The following ADAM32 variants were observed in gnomAD, a reference collection of about 807,000 sequenced individuals.
ADAM32 encodes the protein disintegrin and metalloproteinase domain-containing protein 32.
A neutral mutation model predicts 114.9 loss-of-function variants in ADAM32; 89 were observed. That is an observed-to-expected ratio of 0.77 (90% CI 0.65 to 0.92). ADAM32 has a LOEUF of 0.92. Among genes scored for constraint, ADAM32 ranks in the 40% least tolerant of loss-of-function variants. ADAM32 has a pLI of 0.00. For synonymous variants in ADAM32, 285 were observed against 307.5 expected, an observed-to-expected ratio of 0.93 and a Z score of 0.77; for missense variants, 870 against 932.8, an observed-to-expected ratio of 0.93 and a Z score of 0.88.
chr8:39,203,943 A>G lies in ADAM32; in HGVS notation c.1053-7201A>G, dbSNP rs545733247. 3.0e-3 allele frequency among the ~76,000 whole-genome samples: 464 copies of G among 152,244 alleles called. 3 individuals carry two copies. Among genetic ancestry groups the G allele is most frequent in the Non-Finnish European group, 3.7e-3 (255 of 68,022 alleles). On this transcript the variant is annotated intron_variant, in intron 11 of 24. Coordinates refer to ENST00000379907, the MANE Select transcript of ADAM32 (RefSeq NM_145004.7). ...TGGGTTGAAAATTCTTTTCTTTAAGAATGTTGAATATTGGCCCCCACTCTC... is the reference window on the plus strand; with the variant it reads ...TGGGTTGAAAATTCTTTTCTTTAAGGATGTTGAATATTGGCCCCCACTCTC...
intron 6 of ADAM32, chr8:39,157,572 T>C: frequency 1.5e-5 from 8 of 533,028 alleles, no homozygotes; most frequent in South Asian, 1.0e-4. Context: ...CTGGTCTTTC[T>C]TGAGTGGTCC....
At chr8:39,283,763 C>G in intron 24 of ADAM32, 139 bp downstream of exon 24, 1 of 345,980 alleles carries the variant, frequency 2.9e-6, no homozygotes, top group Non-Finnish European at 4.9e-6. Flanking sequence ...ACCTATCTTT[C>G]TTTTATTCTT....
intron 11 of ADAM32, among the ~76,000 whole-genome samples, chr8:39,201,124 T>C (rs2129447827): frequency 6.6e-6 from 1 of 152,202 alleles, no homozygotes; most frequent in East Asian, 1.9e-4. Context: ...TTTGGTTCCA[T>C]ATGAACTTTA....
chr8:39,191,194 A>C (rs1297824824), intron 11 of ADAM32, among the ~76,000 whole-genome samples: 3 of 152,196 alleles, frequency 2.0e-5, no homozygotes, highest in Non-Finnish European at 4.4e-5. Flanking sequence ...TGCTGTTGTG[A>C]ATAGTGCTGC....
intron 18 of ADAM32, 37 bp from the exon 19 acceptor site, chr8:39,257,149 AT>A: frequency 2.7e-6 from 4 of 1,472,622 alleles, no homozygotes; most frequent in East Asian, 2.4e-5. Flanking sequence ...AGATAGTTTA[AT>A]TTTTTTGTTT....
At chr8:39,201,638 G>T (rs915658088) in intron 11 of ADAM32, among the ~76,000 whole-genome samples, 11 of 152,180 alleles carry the variant, frequency 7.2e-5, no homozygotes, top group Admixed American at 2.0e-4. Flanking sequence ...CTGCCTGATT[G>T]CCCTGGCCAG....
In ADAM32 at chr8:39,284,827, A is replaced by G; in HGVS notation, c.*28A>G. ...ATTCCTTCAGAAGGCAACGGATAAC[A>G]TCGAGAGTCTCGCTAAGAAATGAAA... On this transcript the variant is annotated 3_prime_UTR_variant, in exon 25 of 25. Transcript: ENST00000379907. 1 of 1,612,788 alleles carries G rather than the reference A, an allele frequency of 6.2e-7. No individual in the cohort carries two copies. The highest frequency in any genetic ancestry group is 8.5e-7 in the Non-Finnish European group (1 of 1,178,900).
chr8:39,184,951 G>C (rs1367014744), intron 10 of ADAM32, among the ~76,000 whole-genome samples: 1 of 152,166 alleles, frequency 6.6e-6, no homozygotes, highest in Non-Finnish European at 1.5e-5. Flanking sequence ...CGCATGGCCT[G>C]TAACACTCCT....
At chr8:39,276,004 C>A in intron 22 of ADAM32, 138 bp downstream of exon 22, 1 of 661,496 alleles carries the variant, frequency 1.5e-6, no homozygotes, top group Non-Finnish European at 2.4e-6. Flanking sequence ...CTTAAAACAA[C>A]CTATTTGCTG....
At chr8:39,236,548 A>T (rs1311893445) in intron 16 of ADAM32, among the ~76,000 whole-genome samples, 3 of 152,220 alleles carry the variant, frequency 2.0e-5, no homozygotes, top group Non-Finnish European at 4.4e-5. Flanking sequence ...AGTGAAAAAT[A>T]CAAAAAAGTA....
chr8:39,127,276 T>A (rs1168544857), intron 2 of ADAM32, among the ~76,000 whole-genome samples: 1 of 152,194 alleles, frequency 6.6e-6, no homozygotes. Flanking sequence ...TTTTTACCTC[T>A]GGTAGAATTC....
intron 14 of ADAM32, among the ~76,000 whole-genome samples, chr8:39,227,389 A>T (rs551835441): frequency 1.3e-5 from 2 of 152,274 alleles, no homozygotes; most frequent in Admixed American, 1.3e-4. Context: ...CAGGCAGACC[A>T]TTCCTGCCTG....
intron 17 of ADAM32, among the ~76,000 whole-genome samples, chr8:39,250,866 T>C (rs1811242342): frequency 6.6e-6 from 1 of 151,982 alleles, no homozygotes; most frequent in South Asian, 2.1e-4. Context: ...ACCACCCACC[T>C]ACTCTGCATC....
chr8:39,143,334 A>G (rs1307867338), intron 3 of ADAM32, among the ~76,000 whole-genome samples: 1 of 152,152 alleles, frequency 6.6e-6, no homozygotes, highest in Non-Finnish European at 1.5e-5. Context: ...GTTTCTCCCC[A>G]TCTTTGTGGT....
chr8:39,202,980 C>A (rs1431496336), intron 11 of ADAM32, among the ~76,000 whole-genome samples: 1 of 152,186 alleles, frequency 6.6e-6, no homozygotes, highest in Non-Finnish European at 1.5e-5. Flanking sequence ...AGTTTGATTG[C>A]ACTGTAGTCT....
At chr8:39,281,610 A>T (rs997049565) in intron 23 of ADAM32, among the ~76,000 whole-genome samples, 1 of 152,206 alleles carries the variant, frequency 6.6e-6, no homozygotes, top group Non-Finnish European at 1.5e-5. Flanking sequence ...TTTAGGAGAC[A>T]GTATTATAAA....
intron 10 of ADAM32, among the ~76,000 whole-genome samples, chr8:39,183,487 A>G (rs1806042518): frequency 6.6e-6 from 1 of 152,110 alleles, no homozygotes; most frequent in Admixed American, 6.6e-5. Flanking sequence ...CCAATATAGT[A>G]TAGTAAGTCA....
At chr8:39,117,829 AT>A (rs1193246656) in intron 1 of ADAM32, among the ~76,000 whole-genome samples, 1 of 151,902 alleles carries the variant, frequency 6.6e-6, no homozygotes, top group Non-Finnish European at 1.5e-5. Flanking sequence ...TATGTCTTTG[AT>A]TTTTTTGGTG....
chr8:39,165,436 C>A (rs1804769960), intron 9 of ADAM32: 2 of 337,498 alleles, frequency 5.9e-6, no homozygotes, highest in East Asian at 1.2e-4. Flanking sequence ...AGAGGTTAAG[C>A]CATCTCAGGA....
Sources: gnomAD v4.1 joint callset for allele counts (sites outside exome capture counted in the v4.1 genomes callset) on GRCh38, gnomAD v4.1.1 for gene constraint, MANE v1.5 for transcripts, NCBI Gene and HGNC (gene_info 2026-07-23, HGNC 2026-07-21) for gene names.